Variants in ARID4B observed in about 807,000 individuals in gnomAD.
ARID4B encodes the protein AT-rich interactive domain-containing protein 4B.
Under a neutral mutation model 147.5 loss-of-function variants are expected in ARID4B, and 26 were observed. The observed-to-expected ratio is 0.18, with a 90% confidence interval of 0.13 to 0.24. The LOEUF is 0.24. Ranked by LOEUF, ARID4B falls within the 10% of genes least tolerant of loss-of-function variation. ARID4B has a pLI of 1.00. For synonymous variants in ARID4B, 512 were observed against 507.9 expected (o/e 1.01, Z -0.11); for missense variants, 1,179 against 1,511.5 (o/e 0.78, Z 3.65).
At chr1:235,267,580 C>T (rs1220939499) in intron 2 of ARID4B, among the ~76,000 whole-genome samples, 1 of 152,158 alleles carries the variant, frequency 6.6e-6, no homozygotes, top group Non-Finnish European at 1.5e-5. Flanking sequence ...CGCCTGTAAT[C>T]CCAGCACTCT....
chr1:235,307,447 T>C (rs1673655306), intron 2 of ARID4B, among the ~76,000 whole-genome samples: 1 of 151,640 alleles, frequency 6.6e-6, no homozygotes, highest in Non-Finnish European at 1.5e-5. Context: ...CCTGTCTCTT[T>C]ACAAAAAAAG....
At chr1:235,323,398 A>G (rs1674986581) in intron 2 of ARID4B, among the ~76,000 whole-genome samples, 1 of 152,122 alleles carries the variant, frequency 6.6e-6, no homozygotes, top group Non-Finnish European at 1.5e-5. Flanking sequence ...CAGCCCAACC[A>G]GCCCATTTTA....
At chr1:235,317,620 T>C (rs528703631) in intron 2 of ARID4B, among the ~76,000 whole-genome samples, 2 of 152,262 alleles carry the variant, frequency 1.3e-5, no homozygotes, top group South Asian at 4.1e-4. Context: ...ATAAACTCAT[T>C]TTTTTCTTCC....
At chr1:235,321,919 A>T (rs1255333677) in intron 2 of ARID4B, among the ~76,000 whole-genome samples, 1 of 150,954 alleles carries the variant, frequency 6.6e-6, no homozygotes, top group Admixed American at 6.6e-5. Context: ...CCTTACATTC[A>T]GCTCTCCCCT....
intron 9 of ARID4B, 134 bp downstream of exon 9, chr1:235,234,279 T>C (rs1393489202): frequency 8.0e-6 from 5 of 624,848 alleles, no homozygotes; most frequent in Non-Finnish European, 1.1e-5. Flanking sequence ...CAGTGACTCT[T>C]TGAAACATTC....
chr1:235,323,104 C>A (rs1674963348), intron 2 of ARID4B, among the ~76,000 whole-genome samples: 1 of 150,784 alleles, frequency 6.6e-6, no homozygotes, highest in African/African-American at 2.5e-5. Flanking sequence ...GCAGTGGTGC[C>A]ATCTCGACTC....
chr1:235,321,813 A>G (rs1257944058), intron 2 of ARID4B, among the ~76,000 whole-genome samples: 1 of 151,668 alleles, frequency 6.6e-6, no homozygotes, highest in Non-Finnish European at 1.5e-5. Flanking sequence ...ATTCTACTTC[A>G]AAAAGGCTCA....
chr1:235,212,056 C>T (rs1666750289), intron 17 of ARID4B, among the ~76,000 whole-genome samples: 1 of 152,050 alleles, frequency 6.6e-6, no homozygotes, highest in South Asian at 2.1e-4. Flanking sequence ...GAGTTCAAGA[C>T]AAACATGGCA....
chr1:235,169,122 CAA>C (rs1040540028), intron 23 of ARID4B, among the ~76,000 whole-genome samples: 30 of 152,232 alleles, frequency 2.0e-4, no homozygotes, highest in South Asian at 1.5e-3. Flanking sequence ...CAAGTTGGAT[CAA>C]AACAGTGCAT....
intron 6 of ARID4B, among the ~76,000 whole-genome samples, chr1:235,250,148 AACTG>A (rs755713691): frequency 3.7e-4 from 56 of 152,008 alleles, no homozygotes; most frequent in Non-Finnish European, 6.9e-4. Context: ...TAAAAAGATA[AACTG>A]ACTGAAGTGC....
At chr1:235,287,788 A>T (rs1013966437) in intron 2 of ARID4B, among the ~76,000 whole-genome samples, 7 of 152,186 alleles carry the variant, frequency 4.6e-5, no homozygotes, top group African/African-American at 1.4e-4. Flanking sequence ...GCTTTATAAA[A>T]CTATAAAAAT....
chr1:235,243,264 A>C (rs886390570), intron 7 of ARID4B, among the ~76,000 whole-genome samples: 3 of 152,170 alleles, frequency 2.0e-5, no homozygotes, highest in Non-Finnish European at 4.4e-5. Context: ...ATACTATTAC[A>C]CATGAAGCTC....
intron 2 of ARID4B, among the ~76,000 whole-genome samples, chr1:235,290,805 A>G (rs545471130): frequency 5.3e-5 from 8 of 152,230 alleles, no homozygotes; most frequent in Non-Finnish European, 1.2e-4. Flanking sequence ...ATTTACAAAA[A>G]TTCCATAACA....
intron 2 of ARID4B, among the ~76,000 whole-genome samples, chr1:235,301,534 CTTTTTTT>C (rs567369149): frequency 1.0e-5 from 1 of 99,816 alleles, no homozygotes; most frequent in Non-Finnish European, 1.9e-5. Context: ...GACCCTATTT[CTTTTTTT>C]TTTTTTTTTT....
chr1:235,178,632 T>C (rs965503842), intron 20 of ARID4B, among the ~76,000 whole-genome samples: 4 of 152,230 alleles, frequency 2.6e-5, no homozygotes, highest in African/African-American at 9.6e-5. Context: ...CTGTAGCATT[T>C]TTCTATACTA....
intron 5 of ARID4B, among the ~76,000 whole-genome samples, chr1:235,254,853 T>C (rs1669852831): frequency 6.6e-6 from 1 of 152,010 alleles, no homozygotes; most frequent in South Asian, 2.1e-4. Flanking sequence ...CTAGTAATCA[T>C]GGGAAGGGCA....
In ARID4B at chr1:235,254,081, A is replaced by G. The variant is rs557013229; in HGVS notation, c.275-1272T>C. On this transcript the variant is annotated intron_variant, in intron 5 of 23. Coordinates refer to ENST00000264183, the MANE Select transcript of ARID4B (RefSeq NM_016374.6). ...ATACAACATAAGTGTCACATTTAGT[A>G]GACTATTACAACCAATCACCATCTA... Among the ~76,000 whole-genome samples the G allele has an allele frequency of 9.2e-5, 14 of 152,326 alleles. 1 individual carries two copies. In the South Asian group the frequency reaches 2.5e-3, roughly 27 times the overall value.
chr1:235,299,668 T>C (rs1672990052), intron 2 of ARID4B, among the ~76,000 whole-genome samples: 2 of 152,240 alleles, frequency 1.3e-5, no homozygotes, highest in Admixed American at 6.5e-5. Flanking sequence ...ATCTGAATCC[T>C]GGCACTGGTT....
intron 17 of ARID4B, among the ~76,000 whole-genome samples, chr1:235,212,060 C>T (rs923997347): frequency 4.6e-5 from 7 of 152,024 alleles, no homozygotes; most frequent in African/African-American, 1.4e-4. Context: ...TCAAGACAAA[C>T]ATGGCAAAAC....
Sources: gnomAD v4.1 joint callset for allele counts (sites outside exome capture counted in the v4.1 genomes callset) on GRCh38, gnomAD v4.1.1 for gene constraint, MANE v1.5 for transcripts, NCBI Gene and HGNC (gene_info 2026-07-23, HGNC 2026-07-21) for gene names.